STS: variants seen among roughly 807,000 people sequenced by gnomAD.
STS encodes steryl-sulfatase.
STS carries 7 observed loss-of-function variants against 26.8 expected under a neutral mutation model. The ratio of observed to expected loss-of-function variants is 0.26; its 90% CI spans 0.15 to 0.49. The LOEUF is 0.49. STS is among the 20% of genes least tolerant of loss of function. The pLI is 0.98. For synonymous variants in STS, 199 were observed against 189.4 expected, an observed-to-expected ratio of 1.05 and a Z score of -0.42; for missense variants, 434 against 465.6, an observed-to-expected ratio of 0.93 and a Z score of 0.63.
At chrX:7,187,266 C>T (rs1329429496) in intron 1 of STS, among the ~76,000 whole-genome samples, 1 of 112,261 alleles carries the variant, frequency 8.9e-6, no homozygotes. Flanking sequence ...TTACCATTTA[C>T]CCTTGTAAAT....
intron 2 of STS, among the ~76,000 whole-genome samples, chrX:7,229,893 C>T (rs1205675680): frequency 9.4e-6 from 1 of 106,476 alleles, no homozygotes; most frequent in Non-Finnish European, 1.9e-5. Context: ...TGTCGGGGGG[C>T]GGGGGGACAG....
At chrX:7,285,122 G>A (rs1030289095) in intron 7 of STS, among the ~76,000 whole-genome samples, 5 of 111,080 alleles carry the variant, frequency 4.5e-5, no homozygotes, top group East Asian at 5.7e-4. Flanking sequence ...GCAGGGGGAC[G>A]TTGTGATGCT....
intron 8 of STS, among the ~76,000 whole-genome samples, chrX:7,312,095 T>G (rs954425106): frequency 6.2e-5 from 7 of 112,122 alleles, no homozygotes; most frequent in South Asian, 3.7e-4. Context: ...AAATACAATG[T>G]GAAGTCTGCA....
intron 1 of STS, among the ~76,000 whole-genome samples, chrX:7,172,327 C>T (rs779679727): frequency 9.0e-6 from 1 of 111,164 alleles, no homozygotes; most frequent in East Asian, 2.8e-4. Context: ...AGCCCCCACG[C>T]CCCTCACTGT....
chrX:7,351,567 T>C lies in STS; in HGVS notation c.*1306T>C, dbSNP rs1280799449. 1.8e-5 allele frequency: 2 copies of C among 111,874 alleles called. No individual in the cohort carries two copies. Among genetic ancestry groups the C allele is most frequent in the African/African-American group, 6.5e-5 (2 of 30,738 alleles). The allele number at this position is 111,874 out of a possible 1,213,427, so 9.2% of individuals were successfully genotyped here. On this transcript the variant is annotated 3_prime_UTR_variant, in exon 11 of 11. Coordinates refer to ENST00000674429, the MANE Select transcript of STS (RefSeq NM_001320752.2). Reference sequence around the variant, plus strand: ...TAAAGTGCAATCATTTCTTCAGATATAAGACTTTCCCCAACAATGTGATTG... The same window carrying C: ...TAAAGTGCAATCATTTCTTCAGATACAAGACTTTCCCCAACAATGTGATTG...
At chrX:7,248,494 A>G (rs1451836785) in intron 2 of STS, among the ~76,000 whole-genome samples, 2 of 112,175 alleles carry the variant, frequency 1.8e-5, no homozygotes, top group African/African-American at 3.2e-5. Flanking sequence ...ATTGGCTAAG[A>G]CAAATCACAT....
intron 2 of STS, among the ~76,000 whole-genome samples, chrX:7,192,143 A>G (rs1008936498): frequency 8.9e-6 from 1 of 111,920 alleles, no homozygotes; most frequent in Non-Finnish European, 1.9e-5. Context: ...TTTGGTTCAA[A>G]TAAGTGTGAA....
chrX:7,348,149 T>C (rs1270306483), intron 10 of STS, among the ~76,000 whole-genome samples: 2 of 111,007 alleles, frequency 1.8e-5, no homozygotes, highest in Non-Finnish European at 3.8e-5. Flanking sequence ...AATCTAAACG[T>C]ATTCACCTCG....
At position 7,223,562 on chromosome X, in the gene STS, CTGTT is replaced by C. The variant is rs774642764; in HGVS notation, c.-4-29630_-4-29627del. ...TTATATGTCTTCTTTTGGAAAATGT[CTGTT>C]TGTGTCATTTGACTCCTTTTTAATG... On this transcript the variant is annotated intron_variant, in intron 2 of 10. Coordinates refer to ENST00000674429, the MANE Select transcript of STS (RefSeq NM_001320752.2). Among the ~76,000 whole-genome samples the C allele has an allele frequency of 3.6e-5, 4 of 110,980 alleles. No individual in the cohort carries two copies. The East Asian group carries it at 8.5e-4, about 24-fold the overall frequency.
At chrX:7,242,699 A>G (rs1922680930) in intron 2 of STS, among the ~76,000 whole-genome samples, 1 of 112,543 alleles carries the variant, frequency 8.9e-6, no homozygotes, top group African/African-American at 3.2e-5. Flanking sequence ...TTCTTACAGA[A>G]AAGAAAACTA....
intron 1 of STS, among the ~76,000 whole-genome samples, chrX:7,182,091 A>G (rs1287637843): frequency 9.0e-6 from 1 of 111,428 alleles, no homozygotes; most frequent in Non-Finnish European, 1.9e-5. Context: ...AAAAAACAAA[A>G]AAACCTCAAA....
intron 8 of STS, among the ~76,000 whole-genome samples, chrX:7,324,949 G>T (rs780713329): frequency 1.8e-5 from 2 of 111,498 alleles, no homozygotes; most frequent in South Asian, 7.7e-4. Context: ...CAGGCTCCAG[G>T]AATTTGGATG....
chrX:7,264,063 C>T, intron 6 of STS, among the ~76,000 whole-genome samples: 1 of 111,796 alleles, frequency 8.9e-6, no homozygotes, highest in South Asian at 3.7e-4. Flanking sequence ...TCATGATTTT[C>T]ACAGGTTTGG....
chrX:7,336,524 G>A (rs1928037213), intron 10 of STS, among the ~76,000 whole-genome samples: 1 of 111,721 alleles, frequency 9.0e-6, no homozygotes, highest in Non-Finnish European at 1.9e-5. Context: ...TGTTCTAGAA[G>A]ACAAAAAAAC....
At chrX:7,164,393 C>T (rs73192660) in intron 1 of STS, among the ~76,000 whole-genome samples, 8 of 111,491 alleles carry the variant, frequency 7.2e-5, no homozygotes, top group Non-Finnish European at 1.5e-4. Context: ...TCATGTGCTT[C>T]TGTGTGTCCT....
At chrX:7,200,937 A>G (rs1659124089) in intron 2 of STS, among the ~76,000 whole-genome samples, 1 of 106,567 alleles carries the variant, frequency 9.4e-6, no homozygotes, top group Non-Finnish European at 1.9e-5. Flanking sequence ...ATATAAAACC[A>G]TAAACTGGTT....
At chrX:7,196,829 C>T (rs141019615) in intron 2 of STS, among the ~76,000 whole-genome samples, 2,693 of 111,277 alleles carry the variant, frequency 0.024, 51 homozygotes, top group African/African-American at 0.053. Flanking sequence ...GGTAGTCTGC[C>T]TGTATCCATC....
rs1026055573 is a variant in STS, at chrX:7,353,253, C to T, written c.*2992C>T. 1 of 110,230 alleles carries T rather than the reference C, an allele frequency of 9.1e-6. No homozygotes were observed. The highest frequency in any genetic ancestry group is 3.3e-5 in the African/African-American group (1 of 30,289). 9.1% of individuals were successfully genotyped at this position (110,230 alleles called of 1,213,427 possible). On this transcript the variant is annotated 3_prime_UTR_variant, in exon 11 of 11. Coordinates refer to ENST00000674429, the MANE Select transcript of STS (RefSeq NM_001320752.2). Reference sequence around the variant, plus strand: ...AGAAGAATAAGACATAAAATAGCTCCGACCTCCATGATCCGAGAGTGGGAA... The same window carrying T: ...AGAAGAATAAGACATAAAATAGCTCTGACCTCCATGATCCGAGAGTGGGAA...
At chrX:7,299,014 ATAT>A (rs1925803976) in intron 7 of STS, among the ~76,000 whole-genome samples, 1 of 66,198 alleles carries the variant, frequency 1.5e-5, no homozygotes, top group Admixed American at 1.6e-4. Flanking sequence ...ATATTTATAT[ATAT>A]ATAAATATAT....
Sources: gnomAD v4.1 joint callset for allele counts (sites outside exome capture counted in the v4.1 genomes callset) on GRCh38, gnomAD v4.1.1 for gene constraint, MANE v1.5 for transcripts, NCBI Gene and HGNC (gene_info 2026-07-23, HGNC 2026-07-21) for gene names.